Variants in DRC8 observed in about 807,000 individuals in gnomAD.
DRC8 encodes the protein dynein regulatory complex protein 8.
chr1:245,062,336 C>A, the DRC8 span, among the ~76,000 whole-genome samples: 2 of 152,296 alleles, frequency 1.3e-5, no homozygotes, highest in East Asian at 3.9e-4. Flanking sequence ...CTATAAATAG[C>A]AACTTCCTGC....
At chr1:244,990,692 A>G in the DRC8 span, among the ~76,000 whole-genome samples, 4 of 152,114 alleles carry the variant, frequency 2.6e-5, no homozygotes, top group Admixed American at 2.6e-4. Context: ...TCTGTTGCCC[A>G]GGCTGGAATC....
chr1:245,103,038 A>G, the DRC8 span, among the ~76,000 whole-genome samples: 2 of 148,188 alleles, frequency 1.3e-5, no homozygotes, highest in African/African-American at 5.2e-5. Flanking sequence ...GAGGCCAAGC[A>G]TTGTTTATTT....
the DRC8 span, among the ~76,000 whole-genome samples, chr1:244,995,285 C>T: frequency 9.9e-5 from 15 of 151,806 alleles, no homozygotes; most frequent in Non-Finnish European, 1.5e-4. Flanking sequence ...CGCTTGAATC[C>T]GGGAGGTGGA....
the DRC8 span, among the ~76,000 whole-genome samples, chr1:244,977,655 A>C: frequency 6.6e-6 from 1 of 151,800 alleles, no homozygotes; most frequent in Admixed American, 6.6e-5. Context: ...TAAACTCTCT[A>C]TTTCTTAAAA....
chr1:245,045,753 GGTTGTGGACAGCAGCCATCGGTCTGA>G, the DRC8 span, among the ~76,000 whole-genome samples: 1 of 75,820 alleles, frequency 1.3e-5, no homozygotes, highest in Admixed American at 1.2e-4. Context: ...TAGTCTGACT[GGTTGTGGACAGCAGCCATCGGTCTGA>G]CTGGTTGTGG....
chr1:245,071,149 T>A, the DRC8 span, among the ~76,000 whole-genome samples: 1 of 152,208 alleles, frequency 6.6e-6, no homozygotes, highest in East Asian at 1.9e-4. Flanking sequence ...AAGACCGAAA[T>A]TGATCTTCGT....
chr1:245,076,727 T>G, the DRC8 span, among the ~76,000 whole-genome samples: 58 of 150,878 alleles, frequency 3.8e-4, no homozygotes, highest in Admixed American at 5.9e-4. Flanking sequence ...TGAAATACAT[T>G]TTTTTTTTTG....
At chr1:245,009,028 CTTTTTTTTTT>C in the DRC8 span, among the ~76,000 whole-genome samples, 1 of 64,446 alleles carries the variant, frequency 1.6e-5, no homozygotes, top group African/African-American at 6.6e-5. Flanking sequence ...TTATGCTTTT[CTTTTTTTTTT>C]TTTTTTTTTT....
chr1:245,064,052 A>C, the DRC8 span, among the ~76,000 whole-genome samples: 72,184 of 151,932 alleles, frequency 0.48, 18,224 homozygotes, highest in East Asian at 0.7. Flanking sequence ...AAAAAAAGAG[A>C]AAGAAAATTG....
the DRC8 span, among the ~76,000 whole-genome samples, chr1:245,115,023 T>C: frequency 6.6e-6 from 1 of 152,002 alleles, no homozygotes; most frequent in African/African-American, 2.4e-5. Context: ...CGTCCCCAGC[T>C]GAGATTTAAA....
chr1:245,022,682 T>G, the DRC8 span, among the ~76,000 whole-genome samples: 3 of 152,208 alleles, frequency 2.0e-5, no homozygotes, highest in African/African-American at 4.8e-5. Flanking sequence ...AGATTCTCCA[T>G]GCAAATATGT....
chr1:245,015,691 CAG>C, the DRC8 span: 1 of 219,432 alleles, frequency 4.6e-6, no homozygotes, highest in Admixed American at 5.4e-5. Context: ...ACCTGGGCAA[CAG>C]AGAGAGACTC....
chr1:245,017,843 T>C, the DRC8 span, among the ~76,000 whole-genome samples: 2 of 152,094 alleles, frequency 1.3e-5, no homozygotes, highest in South Asian at 4.1e-4. Flanking sequence ...AGGACACAGC[T>C]TGGGACTGAA....
the DRC8 span, among the ~76,000 whole-genome samples, chr1:244,980,040 T>TAA: frequency 2.1e-3 from 73 of 34,730 alleles, 4 homozygotes; most frequent in African/African-American, 8.6e-3. Flanking sequence ...CCGTCTCTAC[T>TAA]AAAAAAAAAA....
At chr1:245,101,045 C>T in the DRC8 span, among the ~76,000 whole-genome samples, 1 of 151,908 alleles carries the variant, frequency 6.6e-6, no homozygotes, top group Non-Finnish European at 1.5e-5. Context: ...CCACCACGCC[C>T]GACTAACTTT....
the DRC8 span, among the ~76,000 whole-genome samples, chr1:245,045,802 C>T: frequency 1.3e-5 from 2 of 151,996 alleles, no homozygotes; most frequent in African/African-American, 4.8e-5. Flanking sequence ...AGCAACCATT[C>T]AGAGGCCGGA....
chr1:245,089,019 A>G, the DRC8 span, among the ~76,000 whole-genome samples: 2 of 152,328 alleles, frequency 1.3e-5, no homozygotes, highest in East Asian at 3.9e-4. The surrounding 1 kb of genome is among the most constrained non-coding windows in gnomAD (Gnocchi z 4.8). Flanking sequence ...ATCACAGAGA[A>G]AGATCATTTG....
chr1:245,043,449 GA>G, the DRC8 span, among the ~76,000 whole-genome samples: 1 of 146,512 alleles, frequency 6.8e-6, no homozygotes, highest in African/African-American at 2.7e-5. Context: ...AAAAAAAAAA[GA>G]AAGAAAGAAA....
chr1:245,012,632 T>A, the DRC8 span, among the ~76,000 whole-genome samples: 4 of 152,120 alleles, frequency 2.6e-5, no homozygotes, highest in African/African-American at 9.7e-5. Flanking sequence ...AGGCATCATC[T>A]TCTTGGAGGA....
Sources: allele counts gnomAD v4.1 joint callset (sites outside exome capture counted in the v4.1 genomes callset), GRCh38; gene constraint gnomAD v4.1.1; non-coding constraint Gnocchi (gnomAD v3.1); transcripts MANE v1.5; gene names NCBI Gene and HGNC (gene_info 2026-07-23, HGNC 2026-07-21).